Variants in UGGT2 observed in about 807,000 individuals in gnomAD.
UGGT2 encodes UDP-glucose glycoprotein glucosyltransferase 2.
UGGT2 carries 180 observed loss-of-function variants against 192.1 expected under a neutral mutation model. That is an observed-to-expected ratio of 0.94 (90% confidence interval 0.83 to 1.06). The LOEUF (loss-of-function observed/expected upper bound fraction) is 1.06. UGGT2 is among the 50% of genes least tolerant of loss of function. The pLI is 0.00. For synonymous variants in UGGT2, 580 were observed against 591.0 expected (o/e 0.98, Z 0.27); for missense variants, 1,849 against 1,795.7 (o/e 1.03, Z -0.54).
intron 5 of UGGT2, among the ~76,000 whole-genome samples, chr13:96,001,030 G>C (rs1179153223): frequency 6.6e-6 from 1 of 152,136 alleles, no homozygotes; most frequent in Non-Finnish European, 1.5e-5. Context: ...ATAATTTGAT[G>C]TTACTAAATG....
intron 31 of UGGT2, among the ~76,000 whole-genome samples, chr13:95,862,951 C>T (rs1390359363): frequency 6.6e-6 from 1 of 152,154 alleles, no homozygotes; most frequent in African/African-American, 2.4e-5. Flanking sequence ...CAGCTTTGAC[C>T]TCCCAGACTC....
intron 21 of UGGT2, among the ~76,000 whole-genome samples, 190 bp downstream of exon 21, chr13:95,902,664 T>A (rs2048141236): frequency 6.6e-6 from 1 of 151,900 alleles, no homozygotes. Flanking sequence ...ACATATGAAA[T>A]CTGATTTACT....
intron 4 of UGGT2, among the ~76,000 whole-genome samples, chr13:96,019,324 C>T (rs565898): frequency 0.86 from 130,821 of 152,114 alleles, 56,523 homozygotes; most frequent in East Asian, 0.93. Context: ...CCACATTCCA[C>T]AGGGAGAAGT....
chr13:95,803,603 G>A (rs992444926), intron 38 of UGGT2, among the ~76,000 whole-genome samples: 1 of 152,102 alleles, frequency 6.6e-6, no homozygotes, highest in Non-Finnish European at 1.5e-5. Flanking sequence ...TGAGTAAAGC[G>A]CCCTCATTTG....
At chr13:95,805,202 A>G (rs1280401860) in intron 38 of UGGT2, among the ~76,000 whole-genome samples, 3 of 152,084 alleles carry the variant, frequency 2.0e-5, no homozygotes, top group East Asian at 1.9e-4. Context: ...AATATCACTA[A>G]TCATTAGAGA....
intron 12 of UGGT2, among the ~76,000 whole-genome samples, chr13:95,954,581 A>G (rs1002266427): frequency 1.3e-5 from 2 of 152,210 alleles, no homozygotes; most frequent in Non-Finnish European, 1.5e-5. Flanking sequence ...TAAAACAGAC[A>G]TTCCTTTCTA....
chr13:95,863,302 T>G (rs1890332095), intron 31 of UGGT2: 1 of 204,580 alleles, frequency 4.9e-6, no homozygotes, highest in Non-Finnish European at 9.8e-6. Flanking sequence ...CTTCATGTAA[T>G]TGCCTTCACT....
intron 4 of UGGT2, among the ~76,000 whole-genome samples, chr13:96,020,438 G>A (rs1463373276): frequency 1.3e-5 from 2 of 152,156 alleles, no homozygotes; most frequent in African/African-American, 4.8e-5. Context: ...ACCTGGGGGT[G>A]TCCATGTGTG....
chr13:95,836,109 C>G (rs899028825), intron 37 of UGGT2, among the ~76,000 whole-genome samples: 1 of 152,022 alleles, frequency 6.6e-6, no homozygotes, highest in Non-Finnish European at 1.5e-5. Context: ...AGTGTAGTGG[C>G]GCCATCTCCG....
chr13:96,011,570 G>A (rs550049281), intron 5 of UGGT2, among the ~76,000 whole-genome samples: 31 of 152,168 alleles, frequency 2.0e-4, no homozygotes, highest in Middle Eastern at 3.4e-3. Flanking sequence ...CCTGGCTAAG[G>A]GGAATGAAAA....
intron 12 of UGGT2, among the ~76,000 whole-genome samples, chr13:95,965,419 T>G (rs1322518718): frequency 2.0e-5 from 3 of 151,776 alleles, no homozygotes; most frequent in Non-Finnish European, 2.9e-5. Context: ...CCTTAAAAAA[T>G]GATGAGTTCA....
chr13:95,871,156 A>G (rs1891185158), intron 29 of UGGT2, among the ~76,000 whole-genome samples: 1 of 152,242 alleles, frequency 6.6e-6, no homozygotes, highest in African/African-American at 2.4e-5. Flanking sequence ...ATATTTAACT[A>G]ATGGTAATAT....
At chr13:95,907,417 A>G (rs2048327630) in intron 20 of UGGT2, among the ~76,000 whole-genome samples, 1 of 150,952 alleles carries the variant, frequency 6.6e-6, no homozygotes. Flanking sequence ...TTCTCCAAGC[A>G]TGGTGTTTGA....
At chr13:95,964,254 C>A (rs2050494955) in intron 12 of UGGT2, among the ~76,000 whole-genome samples, 2 of 152,106 alleles carry the variant, frequency 1.3e-5, no homozygotes, top group Non-Finnish European at 2.9e-5. Flanking sequence ...CTGGGAAAAT[C>A]TGATATCGAT....
intron 27 of UGGT2, among the ~76,000 whole-genome samples, chr13:95,880,334 T>G: frequency 6.6e-6 from 1 of 152,218 alleles, no homozygotes; most frequent in South Asian, 2.1e-4. Context: ...ACACATATCT[T>G]GATCTGTAAT....
chr13:95,833,702 T>C lies in UGGT2; in HGVS notation c.4402-649A>G, dbSNP rs59863382. 6.5e-3 allele frequency among the ~76,000 whole-genome samples: 987 copies of C among 152,266 alleles called. 10 individuals are homozygous for C. The highest frequency in any genetic ancestry group is 0.023 in the African/African-American group (949 of 41,550). On this transcript the variant is annotated intron_variant, in intron 37 of 38. Coordinates refer to ENST00000376747, the MANE Select transcript of UGGT2 (RefSeq NM_020121.4). ...TGAAGGTACAGCTGAAAGGATCTGC[T>C]GATATATTGGACGTGAGCTGTAAGT...
intron 36 of UGGT2, among the ~76,000 whole-genome samples, chr13:95,845,778 G>T (rs1368162168): frequency 3.3e-5 from 5 of 151,464 alleles, no homozygotes; most frequent in Non-Finnish European, 7.4e-5. Flanking sequence ...GTTCCCAGAC[G>T]GGGTCGCGGC....
intron 1 of UGGT2, among the ~76,000 whole-genome samples, chr13:96,036,052 C>G (rs555490580): frequency 2.0e-5 from 3 of 152,302 alleles, no homozygotes; most frequent in South Asian, 4.1e-4. Context: ...AATCCCATTA[C>G]TGGGTGTATA....
At position 96,053,142 on chromosome 13, in the gene UGGT2, G is replaced by T; in HGVS notation, c.158+13C>A. The T allele has an allele frequency of 6.7e-7, 1 of 1,496,238 alleles. No homozygotes were observed. The highest frequency in any genetic ancestry group is 8.9e-7 in the Non-Finnish European group (1 of 1,125,872). The allele number at this position is 1,496,238 out of a possible 1,614,324, so 92.7% of individuals were successfully genotyped here. A position where few individuals can be genotyped will look rare whatever the true frequency, so the allele number is the denominator to read the frequency against. Reference sequence around the variant, plus strand: ...CCCACACCCGCCCGGACGAGGGCCCGGCCCGCACCCACCTTGCCTCCAGCA... The same window carrying T: ...CCCACACCCGCCCGGACGAGGGCCCTGCCCGCACCCACCTTGCCTCCAGCA... On this transcript the variant is annotated intron_variant, in intron 1 of 38. Coordinates refer to ENST00000376747, the MANE Select transcript of UGGT2 (RefSeq NM_020121.4).
Sources: allele counts gnomAD v4.1 joint callset (sites outside exome capture counted in the v4.1 genomes callset), GRCh38; gene constraint gnomAD v4.1.1; transcripts MANE v1.5; gene names NCBI Gene and HGNC (gene_info 2026-07-23, HGNC 2026-07-21).